LIMS1: variants seen among roughly 807,000 people sequenced by gnomAD.
LIMS1 encodes the protein LIM zinc finger domain containing 1.
A neutral mutation model predicts 44.1 loss-of-function variants in LIMS1; 18 were observed. The observed-to-expected ratio is 0.41, with a 90% CI of 0.28 to 0.61. The LOEUF (loss-of-function observed/expected upper bound fraction) is 0.61, where lower values mean the gene tolerates loss of function less well. Ranked by LOEUF, LIMS1 falls within the 20% of genes least tolerant of loss-of-function variation. The pLI, the probability that LIMS1 is intolerant of heterozygous loss-of-function variation, is 0.32. For missense variants in LIMS1, 201 were observed against 422.0 expected, an observed-to-expected ratio of 0.48 and a Z score of 4.59; for synonymous variants, 93 against 149.1, an observed-to-expected ratio of 0.62 and a Z score of 2.74.
intron 6 of LIMS1, 89 bp downstream of exon 6, chr2:108,676,117 G>A (rs1324724628): frequency 1.4e-6 from 2 of 1,434,548 alleles, no homozygotes; most frequent in African/African-American, 1.4e-5. Flanking sequence ...CATGATTCAG[G>A]GGTAACCAGT....
At chr2:108,630,416 T>A (rs936191314) in intron 1 of LIMS1, among the ~76,000 whole-genome samples, 1 of 151,754 alleles carries the variant, frequency 6.6e-6, no homozygotes, top group Non-Finnish European at 1.5e-5. Flanking sequence ...TTTCAAAATA[T>A]TTTATGGTTG....
At chr2:108,642,519 C>T (rs1232750227) in intron 1 of LIMS1, among the ~76,000 whole-genome samples, 7 of 151,744 alleles carry the variant, frequency 4.6e-5, no homozygotes, top group Admixed American at 3.3e-4. Context: ...GCTACCACGC[C>T]CGGCTAATTT....
At chr2:108,563,188 G>T (rs140043266) in intron 1 of LIMS1, among the ~76,000 whole-genome samples, 36 of 152,348 alleles carry the variant, frequency 2.4e-4, no homozygotes, top group African/African-American at 8.4e-4. Context: ...TGTGTAAGGA[G>T]ATTAATGTTA....
At chr2:108,674,016 A>G (rs1218931667) in intron 5 of LIMS1, 5 of 152,192 alleles carry the variant, frequency 3.3e-5, no homozygotes, top group African/African-American at 7.2e-5. Context: ...TTTGCTGCCT[A>G]GTATAAAAAT....
intron 1 of LIMS1, among the ~76,000 whole-genome samples, chr2:108,609,747 G>A (rs538201004): frequency 3.3e-5 from 5 of 152,196 alleles, no homozygotes; most frequent in African/African-American, 7.2e-5. Flanking sequence ...CTGTGCTGTC[G>A]GTGCATCACA....
At position 108,673,266 on chromosome 2, in the gene LIMS1, C is replaced by T. The variant is rs1692264328; in HGVS notation, c.530+237C>T. ...TATACAGTCCACATTCTCGTTTCAC[C>T]CTCCTATGTATGTGTGCACGTGTGC... On this transcript the variant is annotated intron_variant, in intron 5 of 9. Transcript: ENST00000544547. 5 of 616,440 alleles carry T rather than the reference C, an allele frequency of 8.1e-6. 1 individual carries two copies. In the South Asian group the frequency reaches 1.0e-4, roughly 12 times the overall value. The allele number at this position is 616,440 out of a possible 1,614,324, so 38.2% of individuals were successfully genotyped here.
chr2:108,628,204 G>A (rs974533291), intron 1 of LIMS1, among the ~76,000 whole-genome samples: 1 of 152,230 alleles, frequency 6.6e-6, no homozygotes, highest in African/African-American at 2.4e-5. Flanking sequence ...CTTGAAGTTT[G>A]ACAGCAGTAA....
chr2:108,662,615 T>C, intron 2 of LIMS1: 3 of 1,004,386 alleles, frequency 3.0e-6, no homozygotes, highest in Non-Finnish European at 3.8e-6. Flanking sequence ...ACATTTCTTT[T>C]TGGTTAAATG....
chr2:108,676,644 A>G, exon 7 of LIMS1: 2 of 1,537,794 alleles, frequency 1.3e-6, no homozygotes, highest in Non-Finnish European at 1.8e-6. Context: ...CCTTTCTTGG[A>G]CATCGCCATT....
intron 1 of LIMS1, among the ~76,000 whole-genome samples, chr2:108,636,260 C>T (rs183748618): frequency 3.2e-4 from 49 of 152,330 alleles, no homozygotes; most frequent in Admixed American, 1.2e-3. Context: ...CCAGAGAAGG[C>T]TGTTCCCAGT....
chr2:108,622,973 ATTTTTTTTTT>A (rs68115708), intron 1 of LIMS1, among the ~76,000 whole-genome samples: 1 of 123,128 alleles, frequency 8.1e-6, no homozygotes, highest in Admixed American at 8.4e-5. Flanking sequence ...AAACAACTAG[ATTTTTTTTTT>A]TTTTTTTTTG....
intron 5 of LIMS1, among the ~76,000 whole-genome samples, chr2:108,675,357 G>C (rs1692462293): frequency 6.6e-6 from 1 of 152,056 alleles, no homozygotes; most frequent in Non-Finnish European, 1.5e-5. Context: ...GAAGGAGGCT[G>C]AACTCGTCCT....
At chr2:108,559,805 CT>C (rs1444582726) in intron 1 of LIMS1, among the ~76,000 whole-genome samples, 2 of 152,154 alleles carry the variant, frequency 1.3e-5, no homozygotes, top group Non-Finnish European at 2.9e-5. Flanking sequence ...AACATTTAAA[CT>C]GGCAAACAAT....
chr2:108,544,669 A>T (rs1684425699), intron 1 of LIMS1, among the ~76,000 whole-genome samples: 1 of 151,868 alleles, frequency 6.6e-6, no homozygotes, highest in Non-Finnish European at 1.5e-5. Context: ...TAATTTTTGT[A>T]TTTTTAGTAG....
chr2:108,670,222 C>T (rs547962192), intron 2 of LIMS1, among the ~76,000 whole-genome samples: 1 of 152,254 alleles, frequency 6.6e-6, no homozygotes, highest in South Asian at 2.1e-4. Flanking sequence ...TACTGGCTAA[C>T]GCCTGTGGTC....
intron 1 of LIMS1, among the ~76,000 whole-genome samples, chr2:108,601,589 A>G (rs567310006): frequency 2.2e-4 from 34 of 152,354 alleles, no homozygotes; most frequent in Non-Finnish European, 4.0e-4. Flanking sequence ...GGCTCACTCA[A>G]CCTGTTTCAG....
At chr2:108,634,769 A>G (rs1689122029) in intron 1 of LIMS1, among the ~76,000 whole-genome samples, 1 of 152,250 alleles carries the variant, frequency 6.6e-6, no homozygotes, top group African/African-American at 2.4e-5. Flanking sequence ...AAGCATGTGG[A>G]GCACTCACAG....
chr2:108,623,913 A>T (rs573009934), intron 1 of LIMS1, among the ~76,000 whole-genome samples: 1 of 152,394 alleles, frequency 6.6e-6, no homozygotes, highest in South Asian at 2.1e-4. Context: ...GCACGTGCTT[A>T]AAGAGCACTG....
At chr2:108,554,353 A>C (rs1165024049) in intron 1 of LIMS1, among the ~76,000 whole-genome samples, 1 of 151,700 alleles carries the variant, frequency 6.6e-6, no homozygotes, top group Non-Finnish European at 1.5e-5. Context: ...TTCATCCCAG[A>C]CTCTAGAGCC....
Sources: gnomAD v4.1 joint callset for allele counts (sites outside exome capture counted in the v4.1 genomes callset) on GRCh38, gnomAD v4.1.1 for gene constraint, MANE v1.5 for transcripts, NCBI Gene and HGNC (gene_info 2026-07-23, HGNC 2026-07-21) for gene names.